The following PLEKHH1 variants were observed in gnomAD, a reference collection of about 807,000 sequenced individuals.
PLEKHH1 encodes pleckstrin homology, MyTH4 and FERM domain containing H1.
PLEKHH1 carries 104 observed loss-of-function variants against 160.0 expected under a neutral mutation model. The observed-to-expected ratio is 0.65, with a 90% CI of 0.55 to 0.76. The LOEUF is 0.76. Ranked by LOEUF, PLEKHH1 falls within the 30% of genes least tolerant of loss-of-function variation. PLEKHH1 has a pLI of 0.00. For synonymous variants in PLEKHH1, 619 were observed against 678.4 expected, an observed-to-expected ratio of 0.91 and a Z score of 1.36; for missense variants, 1,427 against 1,724.1, an observed-to-expected ratio of 0.83 and a Z score of 3.05.
intron 21 of PLEKHH1, 128 bp from the exon 22 acceptor site, chr14:67,579,593 C>A: frequency 1.1e-6 from 1 of 916,656 alleles, no homozygotes; most frequent in South Asian, 1.7e-5. Context: ...AACACAGAAA[C>A]CAACTTGCTT....
At chr14:67,569,279 G>A (rs1173919733) in intron 8 of PLEKHH1, 63 bp downstream of exon 8, 20 of 1,224,808 alleles carry the variant, frequency 1.6e-5, no homozygotes, top group African/African-American at 3.0e-5. Context: ...GGCAAGCGGG[G>A]AGGAGAAGAC....
At chr14:67,536,988 C>A (rs1041795085) in intron 1 of PLEKHH1, among the ~76,000 whole-genome samples, 2 of 150,276 alleles carry the variant, frequency 1.3e-5, no homozygotes, top group Admixed American at 1.3e-4. Context: ...TGCAGTGAGC[C>A]GAGATTGCAC....
Position 67,587,600 on chromosome 14 carries a change from G to A in PLEKHH1, c.*365G>A, listed in dbSNP as rs1020678052. 2 of 291,170 alleles carry A rather than the reference G, an allele frequency of 6.9e-6. No homozygotes were observed. Among genetic ancestry groups the A allele is most frequent in the Admixed American group, 9.9e-5 (2 of 20,166 alleles). The allele number at this position is 291,170 out of a possible 1,614,324, so 18.0% of individuals were successfully genotyped here. The stretch of plus-strand genomic sequence containing the variant: ...CAAGGAAGCTAATTTTCTTTCTGGG[G>A]GGGGCGGGGGACACAGTGTCACTAT... On this transcript the variant is annotated 3_prime_UTR_variant, in exon 29 of 29. Transcript: ENST00000329153.
chr14:67,559,546 C>A, intron 4 of PLEKHH1, 62 bp from the exon 5 acceptor site: 1 of 1,208,150 alleles, frequency 8.3e-7, no homozygotes, highest in Non-Finnish European at 1.2e-6. Context: ...GGTTTCCCAC[C>A]TCCAGTCAGT....
intron 7 of PLEKHH1, among the ~76,000 whole-genome samples, chr14:67,567,883 G>A (rs1480309382): frequency 1.3e-5 from 2 of 152,178 alleles, no homozygotes; most frequent in Non-Finnish European, 2.9e-5. Context: ...TTTTCCTTTA[G>A]GCTCAGTGGA....
chr14:67,549,690 G>A (rs1594751165), intron 2 of PLEKHH1, among the ~76,000 whole-genome samples: 1 of 152,216 alleles, frequency 6.6e-6, no homozygotes, highest in South Asian at 2.1e-4. Flanking sequence ...TTGAGAAGGG[G>A]TGCTGATGGG....
chr14:67,575,768 G>C (rs2035597994), intron 15 of PLEKHH1, 55 bp from the exon 16 acceptor site: 2 of 1,327,460 alleles, frequency 1.5e-6, no homozygotes, highest in Non-Finnish European at 1.1e-6. Flanking sequence ...TCAGAGAGAG[G>C]AGACTCCCTC....
At chr14:67,581,993 G>C in intron 23 of PLEKHH1, 76 bp from the exon 24 acceptor site, 1 of 1,425,072 alleles carries the variant, frequency 7.0e-7, no homozygotes, top group African/African-American at 1.4e-5. Flanking sequence ...GGAAATAAAG[G>C]TAACAGACCC....
Position 67,587,206 on chromosome 14 carries a change from T to G in PLEKHH1, c.4066T>G (p.Cys1356Gly). ...DGRQFFSSVS[C>G]ATKGPTLL ...ACGACAGTTCTTTTCTTCTGTTTCC[T>G]GTGCTACCAAGGGGCCAACGTTGCT... Residue 1356 changes from cysteine to glycine, a missense_variant, in exon 29 of 29, where the codon TGT (cysteine) becomes GGT (glycine). Coordinates refer to ENST00000329153, the MANE Select transcript of PLEKHH1 (RefSeq NM_020715.3). 6.2e-7 allele frequency: 1 copy of G among 1,613,940 alleles called. No individual in the cohort carries two copies. Among genetic ancestry groups the G allele is most frequent in the Non-Finnish European group, 8.5e-7 (1 of 1,179,854 alleles).
At chr14:67,559,502 G>A (rs954322174) in intron 4 of PLEKHH1, 106 bp from the exon 5 acceptor site, 4 of 694,768 alleles carry the variant, frequency 5.8e-6, no homozygotes, top group Non-Finnish European at 1.0e-5. Flanking sequence ...CTGGCTTTGC[G>A]AGGTCAGTGG....
rs1390738196 is a variant in PLEKHH1 at position 67,582,344 on chromosome 14, G to A, written c.3426+134G>A. 3 of 1,472,938 alleles carry A rather than the reference G, an allele frequency of 2.0e-6. No homozygotes were observed. The highest frequency in any genetic ancestry group is 2.8e-6 in the Non-Finnish European group (3 of 1,082,666). The allele number at this position is 1,472,938 out of a possible 1,614,324, so 91.2% of individuals were successfully genotyped here. A position where few individuals can be genotyped will look rare whatever the true frequency, so the allele number is the denominator to read the frequency against. On this transcript the variant is annotated intron_variant, in intron 24 of 28. Coordinates refer to ENST00000329153, the MANE Select transcript of PLEKHH1 (RefSeq NM_020715.3). This position sits in a 1 kb window ranked among gnomAD's most constrained non-coding sequence, Gnocchi z 5.0. ...AGGGCAGCTTTGCCATCTCTGGGAT[G>A]GAAAGCAGCTGACTTCTACAGATCA...
At chr14:67,562,097 AC>A (rs1217236007) in intron 6 of PLEKHH1, 39 bp from the exon 7 acceptor site, 9 of 1,600,630 alleles carry the variant, frequency 5.6e-6, no homozygotes, top group Non-Finnish European at 5.1e-6. Flanking sequence ...GGGCTGAGCT[AC>A]GGGAGCTCTC....
Position 67,562,905 on chromosome 14 carries a change from A to G in PLEKHH1, c.1263+11A>G. 5.0e-6 allele frequency: 8 copies of G among 1,608,738 alleles called. No homozygotes were observed. The highest frequency in any genetic ancestry group is 6.8e-6 in the Non-Finnish European group (8 of 1,177,866). On this transcript the variant is annotated intron_variant, in intron 7 of 28. Transcript: ENST00000329153. The stretch of plus-strand genomic sequence containing the variant: ...CAGTTTTCATCCTGGGTAAGAGGCA[A>G]CCTCCGGGCTGGGCAGAGGAGCAGA...
intron 1 of PLEKHH1, among the ~76,000 whole-genome samples, chr14:67,538,921 T>C (rs560445776): frequency 6.6e-6 from 1 of 152,216 alleles, no homozygotes; most frequent in African/African-American, 2.4e-5. Flanking sequence ...TCCAAAGTAC[T>C]TGGAGATTTT....
At chr14:67,553,381 A>G (rs1218988194) in intron 2 of PLEKHH1, among the ~76,000 whole-genome samples, 1 of 152,144 alleles carries the variant, frequency 6.6e-6, no homozygotes, top group Non-Finnish European at 1.5e-5. Flanking sequence ...GTGGGTAAAA[A>G]AAAAACCCCA....
Position 67,560,727 on chromosome 14 carries a change from CTTTT to C in PLEKHH1, c.423+1053_423+1056del, listed in dbSNP as rs11433194. Among the ~76,000 whole-genome samples, 25 of 126,404 alleles carry C rather than the reference CTTTT, an allele frequency of 2.0e-4. No individual in the cohort carries two copies. In the South Asian group the frequency reaches 2.1e-3, roughly 10 times the overall value. The allele number at this position is 126,404 out of a possible 152,430, so 82.9% of individuals were successfully genotyped here. On this transcript the variant is annotated intron_variant, in intron 5 of 28. Transcript: ENST00000329153. ...AGTTTGGAAAAGGATGAACATATAT[CTTTT>C]TTTTTTTTTTTTTTTTGAGACGGAG...
chr14:67,575,463 T>A lies in PLEKHH1; in HGVS notation c.2160T>A (p.His720Gln), dbSNP rs775917139. 1 of 1,600,844 alleles carries A rather than the reference T, an allele frequency of 6.2e-7. No homozygotes were observed. Among genetic ancestry groups the A allele is most frequent in the African/African-American group, 1.3e-5 (1 of 74,850 alleles). Residue 720 changes from histidine (H) to glutamine (Q), a missense_variant, in exon 15 of 29, where the codon CAT becomes CAA. Around this residue, in one of 6 missense-constraint regions of PLEKHH1, gnomAD observed 831 missense variants for 929.2 expected, o/e 0.89. Transcript: ENST00000329153. ...AAATCTTCTACTACTATCGGAGCCA[T>A]GAGGACAAGGTACTTCTCAGCCTCC... ...VGKIFYYYRS[H>Q]EDKRPLGCLP...
intron 1 of PLEKHH1, among the ~76,000 whole-genome samples, chr14:67,537,982 A>G (rs1192717799): frequency 6.6e-6 from 1 of 152,234 alleles, no homozygotes; most frequent in African/African-American, 2.4e-5. Context: ...GTGCCAGCAG[A>G]ATCAAGAAAA....
rs906287656 is a variant in PLEKHH1, at chr14:67,578,877, C to G, written c.2849+246C>G. 6.6e-6 allele frequency among the ~76,000 whole-genome samples: 1 copy of G among 152,248 alleles called. No homozygotes were observed. Among genetic ancestry groups the G allele is most frequent in the Non-Finnish European group, 1.5e-5 (1 of 68,050 alleles). ...CTGTGGCAACTCTCACATGAAGCCA[C>G]ACTGCTCCCAAACTGTCCCCAAGTG... On this transcript the variant is annotated intron_variant, in intron 20 of 28. Transcript: ENST00000329153. The surrounding 1 kb of genome is among the most constrained non-coding windows in gnomAD (Gnocchi z 5.0).
Sources: allele counts gnomAD v4.1 joint callset (sites outside exome capture counted in the v4.1 genomes callset), GRCh38; gene constraint gnomAD v4.1.1; regional missense constraint gnomAD v4.1.1; non-coding constraint Gnocchi (gnomAD v3.1); transcripts MANE v1.5; gene names NCBI Gene and HGNC (gene_info 2026-07-23, HGNC 2026-07-21).